ARHGAP15: variants seen among roughly 807,000 people sequenced by gnomAD.
ARHGAP15 encodes the protein rho GTPase-activating protein 15.
Under a neutral mutation model 63.7 loss-of-function variants are expected in ARHGAP15, and 51 were observed. The ratio of observed to expected loss-of-function variants is 0.80; its 90% CI spans 0.64 to 1.01. The LOEUF is 1.01. Ranked by LOEUF, ARHGAP15 falls within the 50% of genes least tolerant of loss-of-function variation. The probability of loss-of-function intolerance (pLI) is 0.00; values close to 1 mark genes in which losing one functional copy is unlikely to be tolerated. For synonymous variants in ARHGAP15, 191 were observed against 193.8 expected (o/e 0.99, Z 0.12); for missense variants, 560 against 564.6 (o/e 0.99, Z 0.08).
At chr2:143,477,047 T>C (rs963112293) in intron 8 of ARHGAP15, among the ~76,000 whole-genome samples, 19 of 152,318 alleles carry the variant, frequency 1.2e-4, no homozygotes, top group Middle Eastern at 3.4e-3. Context: ...GGATAGTTCT[T>C]CAAAACCCAA....
chr2:143,534,280 C>T (rs1694649790), intron 10 of ARHGAP15, among the ~76,000 whole-genome samples: 1 of 152,188 alleles, frequency 6.6e-6, no homozygotes, highest in Non-Finnish European at 1.5e-5. Context: ...TCCACCCTTA[C>T]TGTAAGTCTT....
chr2:143,146,343 A>G (rs1158352172), intron 1 of ARHGAP15, among the ~76,000 whole-genome samples: 3 of 152,140 alleles, frequency 2.0e-5, no homozygotes. Context: ...CATAGCAATC[A>G]TCTTTACAAA....
At chr2:143,360,354 G>A (rs903077910) in intron 6 of ARHGAP15, among the ~76,000 whole-genome samples, 7 of 151,972 alleles carry the variant, frequency 4.6e-5, no homozygotes, top group South Asian at 2.1e-4. Context: ...CACTGCAATC[G>A]CGCCTGGGTG....
chr2:143,697,816 G>T, intron 12 of ARHGAP15, among the ~76,000 whole-genome samples: 1 of 152,228 alleles, frequency 6.6e-6, no homozygotes, highest in East Asian at 1.9e-4. Context: ...CAAATAAAAT[G>T]ATCTCTGGAG....
chr2:143,436,186 T>G (rs1327845897), intron 7 of ARHGAP15, among the ~76,000 whole-genome samples: 15 of 152,166 alleles, frequency 9.9e-5, no homozygotes, highest in Non-Finnish European at 1.5e-5. Context: ...GAAATTATCC[T>G]AAAACATACA....
intron 12 of ARHGAP15, among the ~76,000 whole-genome samples, chr2:143,661,633 G>A (rs905167087): frequency 1.3e-4 from 20 of 152,124 alleles, no homozygotes; most frequent in Non-Finnish European, 2.1e-4. Flanking sequence ...CGCAGAAGAC[G>A]GGTGATTTCT....
chr2:143,259,212 G>A (rs1022327863), intron 6 of ARHGAP15, among the ~76,000 whole-genome samples: 2 of 152,102 alleles, frequency 1.3e-5, no homozygotes, highest in Non-Finnish European at 2.9e-5. Context: ...AGAAAATTAT[G>A]TGAAACCCTT....
At chr2:143,737,401 G>A (rs751230784) in intron 13 of ARHGAP15, among the ~76,000 whole-genome samples, 4 of 152,150 alleles carry the variant, frequency 2.6e-5, no homozygotes, top group African/African-American at 4.8e-5. Flanking sequence ...GAATTGTTTT[G>A]TTATTCTATA....
intron 9 of ARHGAP15, among the ~76,000 whole-genome samples, chr2:143,493,681 G>A (rs1692689515): frequency 1.3e-5 from 2 of 151,988 alleles, no homozygotes; most frequent in Admixed American, 6.6e-5. Flanking sequence ...AGTCCTTTCA[G>A]CCTCTTTCTC....
rs781068966 is a variant in ARHGAP15, at chr2:143,216,457, C to A, written c.296+12C>A. The A allele has an allele frequency of 2.6e-6, 4 of 1,560,992 alleles. No individual in the cohort carries two copies. The highest frequency in any genetic ancestry group is 2.3e-5 in the South Asian group (2 of 88,134). On this transcript the variant is annotated intron_variant, in intron 4 of 13. Transcript: ENST00000295095. ...GGAAAGAAACTAAGGTAATAAAATT[C>A]TTTAATTCACTTTTATATAACTATG...
At chr2:143,518,347 G>A (rs779468961) in intron 9 of ARHGAP15, among the ~76,000 whole-genome samples, 3 of 152,170 alleles carry the variant, frequency 2.0e-5, no homozygotes, top group South Asian at 2.1e-4. Context: ...GCAAGGTAGC[G>A]TCAATCATGT....
At chr2:143,755,178 G>T (rs1185114625) in intron 13 of ARHGAP15, among the ~76,000 whole-genome samples, 2 of 151,614 alleles carry the variant, frequency 1.3e-5, no homozygotes, top group Non-Finnish European at 2.9e-5. Context: ...CAAACATCCT[G>T]CCTGAATACT....
intron 2 of ARHGAP15, among the ~76,000 whole-genome samples, chr2:143,189,058 T>C (rs1691567190): frequency 6.6e-6 from 1 of 152,178 alleles, no homozygotes; most frequent in Non-Finnish European, 1.5e-5. Flanking sequence ...TCAGGAAATG[T>C]CTTTACTTAA....
chr2:143,470,866 G>GTGTGTGTATATATATACACGTATATTTA (rs1294869564), intron 8 of ARHGAP15, among the ~76,000 whole-genome samples: 26 of 148,830 alleles, frequency 1.7e-4, no homozygotes, highest in East Asian at 1.2e-3. Flanking sequence ...ATATTTATGT[G>GTGTGTGTATATATATACACGTATATTTA]TGTGTGTATA....
intron 12 of ARHGAP15, among the ~76,000 whole-genome samples, chr2:143,662,942 G>A (rs1160923008): frequency 6.9e-6 from 1 of 145,058 alleles, no homozygotes; most frequent in East Asian, 2.1e-4. Flanking sequence ...CGTCTGATTG[G>A]CGTACCTGAA....
intron 8 of ARHGAP15, among the ~76,000 whole-genome samples, chr2:143,453,146 A>T (rs561681344): frequency 3.3e-5 from 5 of 152,064 alleles, no homozygotes; most frequent in African/African-American, 9.6e-5. Flanking sequence ...CATTTTATCT[A>T]TTAAGTGACT....
intron 11 of ARHGAP15, among the ~76,000 whole-genome samples, chr2:143,615,207 T>C (rs998508665): frequency 6.6e-6 from 1 of 152,226 alleles, no homozygotes. Context: ...GTTGTCTTAA[T>C]TGACAACTAA....
intron 1 of ARHGAP15, among the ~76,000 whole-genome samples, chr2:143,150,401 C>A (rs1689768602): frequency 6.6e-6 from 1 of 151,922 alleles, no homozygotes; most frequent in Admixed American, 6.6e-5. Context: ...AAATCAAGCC[C>A]AGAAGCCCAG....
chr2:143,298,531 G>A (rs1483805916), intron 6 of ARHGAP15, among the ~76,000 whole-genome samples: 2 of 151,988 alleles, frequency 1.3e-5, no homozygotes, highest in East Asian at 1.9e-4. Context: ...TATTTTCTAG[G>A]ACGTGTTGGT....
Sources: allele counts gnomAD v4.1 joint callset (sites outside exome capture counted in the v4.1 genomes callset), GRCh38; gene constraint gnomAD v4.1.1; transcripts MANE v1.5; gene names NCBI Gene and HGNC (gene_info 2026-07-23, HGNC 2026-07-21).